Variants in CD2AP observed in about 807,000 individuals in gnomAD.
CD2AP encodes CD2 associated protein.
A neutral mutation model predicts 85.1 loss-of-function variants in CD2AP; 46 were observed. The observed-to-expected ratio is 0.54, with a 90% confidence interval of 0.43 to 0.69. The LOEUF is 0.69. Ranked by LOEUF, CD2AP falls within the 30% of genes least tolerant of loss-of-function variation. The probability of loss-of-function intolerance (pLI) is 0.00; values close to 1 mark genes in which losing one functional copy is unlikely to be tolerated. For synonymous variants in CD2AP, 255 were observed against 252.9 expected, an observed-to-expected ratio of 1.01 and a Z score of -0.08; for missense variants, 769 against 729.5, an observed-to-expected ratio of 1.05 and a Z score of -0.62.
chr6:47,536,925 T>G (rs1006692521), intron 3 of CD2AP, among the ~76,000 whole-genome samples: 5 of 152,216 alleles, frequency 3.3e-5, no homozygotes, highest in Non-Finnish European at 5.9e-5. Flanking sequence ...TGTTTCACTT[T>G]ACATTTGGAA....
intron 13 of CD2AP, among the ~76,000 whole-genome samples, chr6:47,600,244 A>C (rs1439865031): frequency 1.3e-5 from 2 of 151,928 alleles, no homozygotes; most frequent in Admixed American, 1.3e-4. Context: ...TTAAATAAGC[A>C]CTATCACATA....
intron 17 of CD2AP, among the ~76,000 whole-genome samples, chr6:47,617,878 C>T (rs1026630295): frequency 1.3e-5 from 2 of 152,178 alleles, no homozygotes; most frequent in South Asian, 2.1e-4. Context: ...GTGCCTCTTA[C>T]AATTGATAAG....
intron 8 of CD2AP, among the ~76,000 whole-genome samples, chr6:47,578,779 C>T (rs1768380041): frequency 6.6e-6 from 1 of 151,786 alleles, no homozygotes; most frequent in Non-Finnish European, 1.5e-5. Context: ...GTCTCAGCCT[C>T]CTGAGTAGCT....
intron 1 of CD2AP, among the ~76,000 whole-genome samples, chr6:47,488,388 G>A (rs977790236): frequency 6.6e-6 from 1 of 152,044 alleles, no homozygotes; most frequent in East Asian, 1.9e-4. Flanking sequence ...TTACATATGT[G>A]TAATTTTAAA....
chr6:47,608,452 T>C (rs1582620249), intron 15 of CD2AP, among the ~76,000 whole-genome samples: 2 of 152,164 alleles, frequency 1.3e-5, no homozygotes, highest in Non-Finnish European at 2.9e-5. Context: ...GTTAGGTGTC[T>C]TGTCAAAATT....
Position 47,574,266 on chromosome 6 carries a change from C to G in CD2AP, c.729+15C>G, listed in dbSNP as rs1262924329. 1 of 1,605,410 alleles carries G rather than the reference C, an allele frequency of 6.2e-7. No individual in the cohort carries two copies. Among genetic ancestry groups the G allele is most frequent in the East Asian group, 2.2e-5 (1 of 44,786 alleles). On this transcript the variant is annotated intron_variant, in intron 6 of 17. Transcript: ENST00000359314. ...AACCAGAAAAGGTGGTAATGATGGA[C>G]TTGTTAGATTAACTCCACTCATTCT...
At chr6:47,550,892 T>C (rs1462548098) in intron 4 of CD2AP, among the ~76,000 whole-genome samples, 3 of 152,206 alleles carry the variant, frequency 2.0e-5, no homozygotes, top group African/African-American at 7.2e-5. Flanking sequence ...GCTACCTGGA[T>C]GAGATTGGAG....
chr6:47,578,725 C>T (rs1292082789), intron 8 of CD2AP, among the ~76,000 whole-genome samples: 5 of 148,496 alleles, frequency 3.4e-5, no homozygotes, highest in African/African-American at 7.5e-5. Flanking sequence ...GGTGTGATCT[C>T]GGCTCACTGC....
chr6:47,496,973 T>A (rs891759339), intron 1 of CD2AP, among the ~76,000 whole-genome samples: 1 of 152,292 alleles, frequency 6.6e-6, no homozygotes, highest in East Asian at 1.9e-4. Context: ...TACTCTTTCC[T>A]TTACGAACCT....
intron 2 of CD2AP, among the ~76,000 whole-genome samples, chr6:47,520,105 T>C (rs1404796731): frequency 2.0e-5 from 3 of 152,024 alleles, no homozygotes; most frequent in African/African-American, 4.8e-5. Context: ...TTTTTTTTTG[T>C]TGAGTCCTTT....
Position 47,477,942 on chromosome 6 carries a change from C to T in CD2AP, c.-303C>T, listed in dbSNP as rs2113950866. ...GGTGGGTCCCTCCCCACTGCGGGAG[C>T]GGCCAGGGTGGGAAAACCGCGGTCG... On this transcript the variant is annotated 5_prime_UTR_variant, in exon 1 of 18. Transcript: ENST00000359314. 2 of 502,486 alleles carry T rather than the reference C, an allele frequency of 4.0e-6. No homozygotes were observed. Among genetic ancestry groups the T allele is most frequent in the East Asian group, 7.5e-5 (2 of 26,618 alleles). The allele number at this position is 502,486 out of a possible 1,614,324, so 31.1% of individuals were successfully genotyped here.
At chr6:47,603,185 C>A (rs1167378601) in intron 13 of CD2AP, among the ~76,000 whole-genome samples, 1 of 151,848 alleles carries the variant, frequency 6.6e-6, no homozygotes, top group African/African-American at 2.4e-5. Context: ...CTTGATCATA[C>A]CATATTAAAG....
chr6:47,602,761 C>A (rs1769174381), intron 13 of CD2AP, among the ~76,000 whole-genome samples: 1 of 150,416 alleles, frequency 6.6e-6, no homozygotes, highest in South Asian at 2.1e-4. Context: ...TGATGGTGTG[C>A]ACCTGTAGTC....
At chr6:47,582,780 GTTTTTTTTTGTTTTGTTTTTT>G (rs1562042950) in intron 11 of CD2AP, among the ~76,000 whole-genome samples, 1 of 136,786 alleles carries the variant, frequency 7.3e-6, no homozygotes, top group Non-Finnish European at 1.5e-5. Context: ...TGTTTTTTTT[GTTTTTTTTTGTTTTGTTTTTT>G]TTTTTTTGTC....
At chr6:47,516,200 C>G (rs1195193998) in intron 2 of CD2AP, among the ~76,000 whole-genome samples, 9 of 152,172 alleles carry the variant, frequency 5.9e-5, no homozygotes, top group Non-Finnish European at 1.0e-4. Flanking sequence ...TCCTTTCATG[C>G]AAAGTTTGGT....
At chr6:47,600,207 G>A (rs1325431463) in intron 13 of CD2AP, among the ~76,000 whole-genome samples, 1 of 151,566 alleles carries the variant, frequency 6.6e-6, no homozygotes, top group African/African-American at 2.4e-5. Context: ...CCTATTTGGT[G>A]TCTAAACAAA....
chr6:47,508,322 C>CT (rs1056248279), intron 2 of CD2AP, among the ~76,000 whole-genome samples: 5 of 152,212 alleles, frequency 3.3e-5, no homozygotes, highest in East Asian at 1.9e-4. Context: ...GCACTAGCTG[C>CT]TTCATCTTGC....
At chr6:47,576,054 T>C (rs1768299621) in intron 6 of CD2AP, among the ~76,000 whole-genome samples, 1 of 152,136 alleles carries the variant, frequency 6.6e-6, no homozygotes, top group African/African-American at 2.4e-5. Flanking sequence ...TCAAGTGCTG[T>C]TGTTTTTATT....
intron 5 of CD2AP, among the ~76,000 whole-genome samples, chr6:47,565,431 C>G (rs1057416051): frequency 6.6e-6 from 1 of 152,164 alleles, no homozygotes; most frequent in East Asian, 1.9e-4. Flanking sequence ...TTCAAATTTT[C>G]CCCTTATTTT....
Sources: gnomAD v4.1 joint callset for allele counts (sites outside exome capture counted in the v4.1 genomes callset) on GRCh38, gnomAD v4.1.1 for gene constraint, MANE v1.5 for transcripts, NCBI Gene and HGNC (gene_info 2026-07-23, HGNC 2026-07-21) for gene names.